Variants in MIB2 observed in about 807,000 individuals in gnomAD.
The protein encoded by MIB2 is E3 ubiquitin-protein ligase MIB2.
A neutral mutation model predicts 96.6 loss-of-function variants in MIB2; 78 were observed. The ratio of observed to expected loss-of-function variants is 0.81; its 90% CI spans 0.67 to 0.97. The LOEUF (loss-of-function observed/expected upper bound fraction) is 0.97, where lower values mean the gene tolerates loss of function less well. Among genes scored for constraint, MIB2 ranks in the 50% least tolerant of loss-of-function variants. The probability of loss-of-function intolerance (pLI) is 0.00; values close to 1 mark genes in which losing one functional copy is unlikely to be tolerated. For synonymous variants in MIB2, 820 were observed against 629.5 expected, an observed-to-expected ratio of 1.30 and a Z score of -4.53; for missense variants, 1,543 against 1,424.0, an observed-to-expected ratio of 1.08 and a Z score of -1.35.
At position 1,628,288 on chromosome 1, in the gene MIB2, T is replaced by A. The variant is rs747838879; in HGVS notation, c.1857T>A (p.Ile619=). The A allele has an allele frequency of 7.4e-6, 12 of 1,612,856 alleles. No homozygotes were observed. Among genetic ancestry groups the A allele is most frequent in the East Asian group, 6.7e-5 (3 of 44,888 alleles). The change falls in exon 15 of 20, where the codon ATT becomes ATA. Residue 619 remains isoleucine, a synonymous_variant. Transcript: ENST00000355826. ...LKGHALAVRK[I]LARARQLVDA... is the part of the protein sequence containing the mutation. ...TGCTCCACAGAGCTGTGAGAAAGAT[T>A]CTGGCTCGGGCGCGGCAGCTGGTGG... is the stretch of plus-strand genomic sequence containing the variant.
chr1:1,629,448 C>T lies in MIB2; in HGVS notation c.2445C>T (p.Thr815=). The T allele has an allele frequency of 6.5e-7, 1 of 1,530,142 alleles. No individual in the cohort carries two copies. Among genetic ancestry groups the T allele is most frequent in the Non-Finnish European group, 8.7e-7 (1 of 1,144,904 alleles). 94.8% of individuals were successfully genotyped at this position (1,530,142 alleles called of 1,614,324 possible). A position where few individuals can be genotyped will look rare whatever the true frequency, so the allele number is the denominator to read the frequency against. Reference sequence around the variant, plus strand: ...GGCAAACGCTCGGGACCCCCAACACCGTGACGAACCTGCACGTGGGCGCCG... The same window carrying T: ...GGCAAACGCTCGGGACCCCCAACACTGTGACGAACCTGCACGTGGGCGCCG... The part of the protein sequence containing the change: ...GPRQTLGTPN[T]VTNLHVGAAP... The change falls in exon 18 of 20, where the codon ACC becomes ACT. Residue 815 remains threonine (T), a synonymous_variant. Coordinates refer to ENST00000355826, the MANE Select transcript of MIB2 (RefSeq NM_001170687.4).
chr1:1,624,915 G>C lies in MIB2; in HGVS notation c.526+14G>C. 6.2e-7 allele frequency: 1 copy of C among 1,611,386 alleles called. No homozygotes were observed. The highest frequency in any genetic ancestry group is 1.3e-5 in the African/African-American group (1 of 75,050). On this transcript the variant is annotated intron_variant, in intron 5 of 19. Coordinates refer to ENST00000355826, the MANE Select transcript of MIB2 (RefSeq NM_001170687.4). ...GCTCACAGGATGGTGAGTGGAGGCA[G>C]AGGGGCGGGGTCAGGGCTGGGCTGT...
In MIB2 at chr1:1,625,756, A is replaced by C; in HGVS notation, c.972+103A>C. On this transcript the variant is annotated intron_variant, in intron 8 of 19. Transcript: ENST00000355826. The surrounding 1 kb of genome is among the most constrained non-coding windows in gnomAD (Gnocchi z 5.0). ...CAGGCAGGACTAGGGTGCCAGCTGC[A>C]CCCACGAGTCCCCAGCCCTGAAGGA... 2.2e-6 allele frequency: 2 copies of C among 923,980 alleles called. No individual in the cohort carries two copies. 57.2% of individuals were successfully genotyped at this position (923,980 alleles called of 1,614,324 possible). A position where few individuals can be genotyped will look rare whatever the true frequency, so the allele number is the denominator to read the frequency against.
chr1:1,624,242 C>T (rs529826836), intron 4 of MIB2: 2 of 489,240 alleles, frequency 4.1e-6, no homozygotes, highest in African/African-American at 3.9e-5. Flanking sequence ...GGCTGCTGCG[C>T]TCTGGTCCGA....
chr1:1,626,878 C>T lies in MIB2; in HGVS notation c.1119C>T (p.Asp373=), dbSNP rs182596783. The change falls in exon 10 of 20, where the codon GAC becomes GAT. Residue 373 remains aspartate, a synonymous_variant. Coordinates refer to ENST00000355826, the MANE Select transcript of MIB2 (RefSeq NM_001170687.4). The surrounding 1 kb of genome is among the most constrained non-coding windows in gnomAD (Gnocchi z 5.3). ...RVGKVVKVFG[D]GNLRVAVAGQ... is the part of the protein sequence containing the mutation. ...GGAAGGTGGTGAAAGTGTTTGGAGA[C>T]GGGAACCTGCGTGTAGCAGTCGCTG... 2,868 of 1,605,446 alleles carry T rather than the reference C, an allele frequency of 1.8e-3. 8 individuals are homozygous for T. Among genetic ancestry groups the T allele is most frequent in the Non-Finnish European group, 2.2e-3 (2,649 of 1,179,602 alleles).
chr1:1,629,397 G>A lies in MIB2; in HGVS notation c.2394G>A (p.Ala798=), dbSNP rs533882971. ...CCTCCCCCTGCAGGGAGCGGCAGGC[G>A]GGCGGGGGCGCGGCCCCGGGCCCCA... ...GCAQRFRERQ[A]GGGAAPGPRQ... Residue 798 remains alanine, a synonymous_variant, in exon 18 of 20, where the codon GCG becomes GCA. Coordinates refer to ENST00000355826, the MANE Select transcript of MIB2 (RefSeq NM_001170687.4). 3.8e-5 allele frequency: 55 copies of A among 1,443,544 alleles called. No homozygotes were observed. The highest frequency in any genetic ancestry group is 4.8e-4 in the Middle Eastern group (2 of 4,136). 89.4% of individuals were successfully genotyped at this position (1,443,544 alleles called of 1,614,324 possible).
Position 1,628,579 on chromosome 1 carries a change from C to T in MIB2, c.2059C>T (p.Leu687=). ...GGCCCACGTGGGGCTGGTGCCGCTA[C>T]TGGTGGACGCTGGGTGCAGTGTCAA... ...QQAHVGLVPL[L]VDAGCSVNAE... The change falls in exon 16 of 20, where the codon CTG becomes TTG. Residue 687 remains leucine, a synonymous_variant. Transcript: ENST00000355826. The T allele has an allele frequency of 6.2e-7, 1 of 1,600,644 alleles. No individual in the cohort carries two copies. The highest frequency in any genetic ancestry group is 8.5e-7 in the Non-Finnish European group (1 of 1,177,972).
In MIB2 at chr1:1,623,904, C is replaced by T. The variant is rs374072350; in HGVS notation, c.378C>T (p.Leu126=). 1.7e-5 allele frequency: 27 copies of T among 1,611,904 alleles called. No individual in the cohort carries two copies. The highest frequency in any genetic ancestry group is 2.7e-5 in the African/African-American group (2 of 74,924). The change falls in exon 4 of 20, where the codon CTC becomes CTT. Residue 126 remains leucine, a synonymous_variant. Coordinates refer to ENST00000355826, the MANE Select transcript of MIB2 (RefSeq NM_001170687.4). ...TQCYMHNKHE[L]AHAFDRYETA... is the part of the protein sequence containing the mutation. ...GCTACATGCACAACAAGCATGAGCTCGCCCACGCCTTCGACCGCTACGAGA... is the reference window on the plus strand; with the variant it reads ...GCTACATGCACAACAAGCATGAGCTTGCCCACGCCTTCGACCGCTACGAGA...
Position 1,627,180 on chromosome 1 carries a change from G to A in MIB2, c.1347G>A (p.Leu449=), listed in dbSNP as rs771062308. 22 of 1,594,686 alleles carry A rather than the reference G, an allele frequency of 1.4e-5. No homozygotes were observed. The highest frequency in any genetic ancestry group is 6.7e-5 in the African/African-American group (5 of 74,494). Residue 449 remains leucine (L), a synonymous_variant, in exon 11 of 20, where the codon CTG becomes CTA. Coordinates refer to ENST00000355826, the MANE Select transcript of MIB2 (RefSeq NM_001170687.4). ...CGCTGGGTAACGCAGCCCGGGCTCT[G>A]GACCTGCTGCGGAGGCGCCCAGAGC... The part of the protein sequence containing the change: ...EVALGNAARA[L]DLLRRRPEQV...
intron 4 of MIB2, chr1:1,624,323 AT>A (rs70937161): frequency 0.6 from 223,473 of 370,882 alleles, 68,599 homozygotes; most frequent in South Asian, 0.71. Context: ...CGTCCCCTGC[AT>A]TTGTCACCTT....
In MIB2 at chr1:1,616,554, C is replaced by A; in HGVS notation, c.-83C>A. 6.2e-7 allele frequency: 1 copy of A among 1,603,630 alleles called. No homozygotes were observed. Among genetic ancestry groups the A allele is most frequent in the East Asian group, 2.3e-5 (1 of 44,360 alleles). On this transcript the variant is annotated 5_prime_UTR_variant, in exon 2 of 20. Transcript: ENST00000355826. ...AGAGGCCAGTCCCAAAGTTTCCAGGCATCAGGGCTGCAGCCCAGGAGCCTC... is the reference window on the plus strand; with the variant it reads ...AGAGGCCAGTCCCAAAGTTTCCAGGAATCAGGGCTGCAGCCCAGGAGCCTC...
rs747838879 is a variant in MIB2 at position 1,628,288 on chromosome 1, T to C, written c.1857T>C (p.Ile619=). Residue 619 remains isoleucine (I), a synonymous_variant, in exon 15 of 20, where the codon ATT becomes ATC. Transcript: ENST00000355826. ...TGCTCCACAGAGCTGTGAGAAAGATTCTGGCTCGGGCGCGGCAGCTGGTGG... is the reference window on the plus strand; with the variant it reads ...TGCTCCACAGAGCTGTGAGAAAGATCCTGGCTCGGGCGCGGCAGCTGGTGG... ...LKGHALAVRK[I]LARARQLVDA... The C allele has an allele frequency of 4.3e-6, 7 of 1,612,856 alleles. No homozygotes were observed. The highest frequency in any genetic ancestry group is 5.1e-6 in the Non-Finnish European group (6 of 1,179,962).
Position 1,616,515 on chromosome 1 carries a change from A to C in MIB2, c.-122A>C, listed in dbSNP as rs1643705788. On this transcript the variant is annotated 5_prime_UTR_variant, in exon 2 of 20. Coordinates refer to ENST00000355826, the MANE Select transcript of MIB2 (RefSeq NM_001170687.4). ...ATCTCCCCTCGGCCACAGGGTTGGA[A>C]GCCCAGCGAGGCTAGAGGCCAGTCC... The C allele has an allele frequency of 6.3e-7, 1 of 1,589,222 alleles. No individual in the cohort carries two copies. The highest frequency in any genetic ancestry group is 1.4e-5 in the African/African-American group (1 of 73,424).
chr1:1,620,588 G>GC (rs1644170855), intron 2 of MIB2, among the ~76,000 whole-genome samples: 1 of 152,204 alleles, frequency 6.6e-6, no homozygotes, highest in Admixed American at 6.5e-5. Context: ...AAGGAGCAGT[G>GC]CCCCTCTCAC....
rs376776768 is a variant in MIB2, at chr1:1,626,989, G to A, written c.1230G>A (p.Arg410=). 295 of 1,611,348 alleles carry A rather than the reference G, an allele frequency of 1.8e-4. 3 individuals are homozygous for A. The South Asian group carries it at 2.6e-3, about 14-fold the overall frequency. Residue 410 remains arginine (R), a synonymous_variant, in exon 10 of 20, where the codon CGG becomes CGA. Transcript: ENST00000355826. This position sits in a 1 kb window ranked among gnomAD's most constrained non-coding sequence, Gnocchi z 5.3. ...DANLDVAERA[R]ENKSSLSVAL... is the part of the protein sequence containing the mutation. ...ACCTGGACGTGGCCGAGCGCGCCCGGGAGAACAAAAGTGCGGCACAGCTCA... is the reference window on the plus strand; with the variant it reads ...ACCTGGACGTGGCCGAGCGCGCCCGAGAGAACAAAAGTGCGGCACAGCTCA...
At chr1:1,624,523 G>A (rs924480185) in intron 4 of MIB2, among the ~76,000 whole-genome samples, 16 of 152,326 alleles carry the variant, frequency 1.1e-4, no homozygotes, top group East Asian at 9.6e-4. Flanking sequence ...GGGTGGGCCC[G>A]GGTGCCTTCC....
upstream of MIB2, chr1:1,614,244 A>T (rs1409785908): frequency 6.6e-6 from 1 of 152,156 alleles, no homozygotes; most frequent in African/African-American, 2.4e-5. Context: ...ACGAAGGGGG[A>T]GCTCTCATGC....
At chr1:1,615,259 C>T, upstream of MIB2, 1 of 1,114,504 alleles carries the variant, frequency 9.0e-7, no homozygotes. Flanking sequence ...CAAGTGCCGC[C>T]AGTGCCAGCG....
chr1:1,623,637 C>T lies in MIB2; in HGVS notation c.185C>T (p.Thr62Ile). Residue 62 changes from threonine (T) to isoleucine (I), a missense_variant, in exon 3 of 20, where the codon ACC (threonine) becomes ATC (isoleucine). Physicochemically the swap from Thr to Ile is moderately conservative, Grantham distance 89 (BLOSUM62 -1). Coordinates refer to ENST00000355826, the MANE Select transcript of MIB2 (RefSeq NM_001170687.4). ...GTGCAGTGGGACCAGGGCACGCGCA[C>T]CAACTACCGCGCCGGCTACCAGGGC... ...VVVQWDQGTR[T>I]NYRAGYQGAH... 6.8e-7 allele frequency: 1 copy of T among 1,478,424 alleles called. No individual in the cohort carries two copies. The highest frequency in any genetic ancestry group is 1.3e-5 in the South Asian group (1 of 74,084). The allele number at this position is 1,478,424 out of a possible 1,614,324, so 91.6% of individuals were successfully genotyped here. A position where few individuals can be genotyped will look rare whatever the true frequency, so the allele number is the denominator to read the frequency against.
Sources: gnomAD v4.1 joint callset for allele counts (sites outside exome capture counted in the v4.1 genomes callset) on GRCh38, gnomAD v4.1.1 for gene constraint, Gnocchi (gnomAD v3.1) non-coding constraint, MANE v1.5 for transcripts, NCBI Gene and HGNC (gene_info 2026-07-23, HGNC 2026-07-21) for gene names.